The following RSRC1 variants were observed in gnomAD, a reference collection of about 807,000 sequenced individuals.
RSRC1 encodes arginine and serine rich coiled-coil 1, also known as serine/Arginine-related protein 53.
Under a neutral mutation model 49.1 loss-of-function variants are expected in RSRC1, and 39 were observed. The observed-to-expected ratio is 0.79, with a 90% CI of 0.61 to 1.04. The LOEUF is 1.04. Among genes scored for constraint, RSRC1 ranks in the 50% least tolerant of loss-of-function variants. The probability of loss-of-function intolerance (pLI) is 0.00; values close to 1 mark genes in which losing one functional copy is unlikely to be tolerated. For synonymous variants in RSRC1, 143 were observed against 130.8 expected (o/e 1.09, Z -0.63); for missense variants, 388 against 402.4 (o/e 0.96, Z 0.31).
intron 4 of RSRC1, among the ~76,000 whole-genome samples, chr3:158,248,107 G>A (rs1209124763): frequency 6.6e-6 from 1 of 152,090 alleles, no homozygotes; most frequent in Non-Finnish European, 1.5e-5. Context: ...CAGCCATCTT[G>A]GCACCCTCCT....
chr3:158,493,541 T>TA (rs111495958), intron 7 of RSRC1, among the ~76,000 whole-genome samples: 1,802 of 152,216 alleles, frequency 0.012, 29 homozygotes, highest in African/African-American at 0.041. Context: ...GATGTACTGT[T>TA]AAAAAACAAA....
At chr3:158,515,161 T>C (rs1036214860) in intron 7 of RSRC1, among the ~76,000 whole-genome samples, 1 of 151,724 alleles carries the variant, frequency 6.6e-6, no homozygotes, top group Admixed American at 6.6e-5. Context: ...CCTGTCATTA[T>C]GATGTTAGCT....
Position 158,221,581 on chromosome 3 carries a change from A to C in RSRC1, c.494+18336A>C, listed in dbSNP as rs1722222924. On this transcript the variant is annotated intron_variant, in intron 4 of 9. Transcript: ENST00000611884. ...GATTCATGCTACATTAGGAGTTCGT[A>C]AGTCATTAATAATCTTTTATGTTTA... is the stretch of plus-strand genomic sequence containing the variant. 3.3e-5 allele frequency among the ~76,000 whole-genome samples: 5 copies of C among 151,500 alleles called. No individual in the cohort carries two copies. The South Asian group carries it at 1.0e-3, about 31-fold the overall frequency.
intron 6 of RSRC1, among the ~76,000 whole-genome samples, chr3:158,443,448 C>A (rs1194638663): frequency 6.6e-6 from 1 of 152,178 alleles, no homozygotes; most frequent in African/African-American, 2.4e-5. Context: ...TTAAACCTCA[C>A]AAGCCAACTT....
chr3:158,443,628 A>T (rs960913131), intron 6 of RSRC1, among the ~76,000 whole-genome samples: 1 of 152,162 alleles, frequency 6.6e-6, no homozygotes, highest in South Asian at 2.1e-4. Context: ...AGCAATAAGG[A>T]TGTTTCACTT....
intron 2 of RSRC1, 148 bp downstream of exon 2, chr3:158,122,446 A>G: frequency 3.6e-6 from 2 of 553,832 alleles, no homozygotes; most frequent in South Asian, 3.8e-5. Context: ...TTTTTGTTCC[A>G]CCAGGTCCAG....
intron 7 of RSRC1, among the ~76,000 whole-genome samples, chr3:158,533,690 A>G (rs759416838): frequency 6.6e-6 from 1 of 151,686 alleles, no homozygotes; most frequent in Non-Finnish European, 1.5e-5. Context: ...AGTCAGAAAT[A>G]ATGTCTTTTG....
chr3:158,309,770 TA>T (rs1209479288), intron 5 of RSRC1, among the ~76,000 whole-genome samples: 1 of 151,784 alleles, frequency 6.6e-6, no homozygotes, highest in Non-Finnish European at 1.5e-5. Flanking sequence ...TCTAAAACAT[TA>T]ATATAATCTT....
At chr3:158,487,789 A>G (rs559960277) in intron 7 of RSRC1, among the ~76,000 whole-genome samples, 3 of 151,596 alleles carry the variant, frequency 2.0e-5, no homozygotes, top group Admixed American at 6.6e-5. Flanking sequence ...ATCTCTACTA[A>G]AAATACAAAA....
At chr3:158,273,788 T>C (rs1725651890) in intron 4 of RSRC1, among the ~76,000 whole-genome samples, 1 of 152,136 alleles carries the variant, frequency 6.6e-6, no homozygotes, top group Admixed American at 6.6e-5. Context: ...AGTTGAGAAG[T>C]AAGCAGGGAC....
chr3:158,433,873 A>G (rs1040964243), intron 6 of RSRC1, among the ~76,000 whole-genome samples: 1 of 151,950 alleles, frequency 6.6e-6, no homozygotes, highest in Non-Finnish European at 1.5e-5. Flanking sequence ...TTCAAATTTT[A>G]ATCTTTGTTT....
intron 3 of RSRC1, among the ~76,000 whole-genome samples, chr3:158,197,031 T>G (rs376993071): frequency 2.6e-5 from 4 of 152,290 alleles, no homozygotes; most frequent in South Asian, 4.1e-4. Context: ...GAGTTAGGGA[T>G]GATTCCCTCT....
intron 7 of RSRC1, among the ~76,000 whole-genome samples, chr3:158,464,753 T>C (rs1232739414): frequency 6.6e-6 from 1 of 152,170 alleles, no homozygotes; most frequent in Non-Finnish European, 1.5e-5. Flanking sequence ...AGTATTCTAC[T>C]TATTAACTGT....
intron 3 of RSRC1, among the ~76,000 whole-genome samples, chr3:158,179,017 T>C (rs866688571): frequency 6.6e-6 from 1 of 152,216 alleles, no homozygotes; most frequent in South Asian, 2.1e-4. Context: ...TGAATTCTTT[T>C]ATGGTTTGGG....
chr3:158,369,086 T>C lies in RSRC1; in HGVS notation c.583+14178T>C, dbSNP rs1356847244. Among the ~76,000 whole-genome samples the C allele has an allele frequency of 2.6e-5, 4 of 152,112 alleles. 1 individual carries two copies. Among genetic ancestry groups the C allele is most frequent in the African/African-American group, 9.6e-5 (4 of 41,452 alleles). On this transcript the variant is annotated intron_variant, in intron 6 of 9. Coordinates refer to ENST00000611884, the MANE Select transcript of RSRC1 (RefSeq NM_001271838.2). ...CTTAACAAAAATATGATTCATGAAG[T>C]ATTTAAAATAATGAGTGCCATTTAT...
intron 1 of RSRC1, among the ~76,000 whole-genome samples, chr3:158,120,937 C>A (rs1036150644): frequency 6.6e-6 from 1 of 151,160 alleles, no homozygotes; most frequent in Non-Finnish European, 1.5e-5. Flanking sequence ...TAAAGTAAGA[C>A]AACTAAGCTT....
intron 6 of RSRC1, among the ~76,000 whole-genome samples, chr3:158,390,959 T>A (rs924202304): frequency 6.6e-5 from 10 of 151,662 alleles, no homozygotes; most frequent in African/African-American, 2.4e-4. Context: ...CCAAAATTAC[T>A]TATTATTTTT....
intron 3 of RSRC1, among the ~76,000 whole-genome samples, chr3:158,180,991 A>C (rs1719589260): frequency 6.6e-6 from 1 of 150,474 alleles, no homozygotes; most frequent in African/African-American, 2.4e-5. Context: ...TTTTTAGTAG[A>C]GACGGAGTTT....
intron 7 of RSRC1, among the ~76,000 whole-genome samples, chr3:158,513,675 A>C (rs1028143947): frequency 2.1e-4 from 32 of 152,198 alleles, no homozygotes; most frequent in Non-Finnish European, 7.3e-5. Context: ...TGATTGGAAT[A>C]GTTTCAGAAG....
Sources: gnomAD v4.1 joint callset for allele counts (sites outside exome capture counted in the v4.1 genomes callset) on GRCh38, gnomAD v4.1.1 for gene constraint, MANE v1.5 for transcripts, NCBI Gene and HGNC (gene_info 2026-07-23, HGNC 2026-07-21) for gene names.